The following NSF variants were observed in gnomAD, a reference collection of about 807,000 sequenced individuals.
The protein encoded by NSF is N-ethylmaleimide sensitive factor, vesicle fusing ATPase.
A neutral mutation model predicts 50.3 loss-of-function variants in NSF; 14 were observed. The observed-to-expected ratio is 0.28, with a 90% CI of 0.18 to 0.44. The LOEUF is 0.44. NSF is among the 20% of genes least tolerant of loss of function. NSF has a pLI of 1.00. For synonymous variants in NSF, 109 were observed against 175.7 expected, an observed-to-expected ratio of 0.62 and a Z score of 3.00; for missense variants, 218 against 504.3, an observed-to-expected ratio of 0.43 and a Z score of 5.44.
Position 46,739,167 on chromosome 17 carries a change from C to T in NSF, c.1908+10233C>T, listed in dbSNP as rs1016928771. Among the ~76,000 whole-genome samples, 152 of 152,130 alleles carry T rather than the reference C, an allele frequency of 1.0e-3. 1 individual carries two copies. Among genetic ancestry groups the T allele is most frequent in the East Asian group, 9.7e-4 (5 of 5,168 alleles). ...GGTGGATCATTCAAGGTCAGGAGTTCGAGACCAGCCTGGCCAGTATGGTGA... is the reference window on the plus strand; with the variant it reads ...GGTGGATCATTCAAGGTCAGGAGTTTGAGACCAGCCTGGCCAGTATGGTGA... On this transcript the variant is annotated intron_variant, in intron 17 of 20. Coordinates refer to ENST00000398238, the MANE Select transcript of NSF (RefSeq NM_006178.4).
intron 9 of NSF, among the ~76,000 whole-genome samples, chr17:46,676,580 T>C (rs1287071049): frequency 2.8e-5 from 4 of 143,558 alleles, no homozygotes; most frequent in Non-Finnish European, 5.9e-5. Flanking sequence ...TGGTTTAGAA[T>C]TTGAATGAAT....
chr17:46,708,469 T>G (rs1024911528), intron 13 of NSF, among the ~76,000 whole-genome samples: 1 of 151,870 alleles, frequency 6.6e-6, no homozygotes, highest in Non-Finnish European at 1.5e-5. Flanking sequence ...TTCATATGCT[T>G]ATCAACCATT....
At chr17:46,733,200 G>T (rs1055320061) in intron 17 of NSF, among the ~76,000 whole-genome samples, 19 of 152,138 alleles carry the variant, frequency 1.2e-4, no homozygotes, top group African/African-American at 4.6e-4. Context: ...GGAAGTTGAG[G>T]GGAATGTGCT....
At chr17:46,721,002 TC>T (rs1268985635) in intron 15 of NSF, among the ~76,000 whole-genome samples, 1 of 152,174 alleles carries the variant, frequency 6.6e-6, no homozygotes, top group Non-Finnish European at 1.5e-5. Flanking sequence ...CACAGGTGGC[TC>T]CCCAGTTGTC....
At position 46,723,423 on chromosome 17, in the gene NSF, A is replaced by G. The variant is rs1319551842; in HGVS notation, c.1762-3126A>G. 3.9e-5 allele frequency among the ~76,000 whole-genome samples: 6 copies of G among 152,242 alleles called. No individual in the cohort carries two copies. The East Asian group carries it at 7.7e-4, about 20-fold the overall frequency. On this transcript the variant is annotated intron_variant, in intron 15 of 20. Coordinates refer to ENST00000398238, the MANE Select transcript of NSF (RefSeq NM_006178.4). ...TCCATCTTCAAAAAAAGTAGCAAAG[A>G]ACCGCTGTAGAACTGCTTCTGAGCT...
intron 16 of NSF, 49 bp from the exon 17 acceptor site, chr17:46,728,806 T>A: frequency 2.5e-6 from 3 of 1,201,874 alleles, no homozygotes; most frequent in Non-Finnish European, 3.5e-6. Flanking sequence ...ATGTTTGGAA[T>A]ATGTACATGT....
intron 13 of NSF, among the ~76,000 whole-genome samples, chr17:46,708,031 CAAAA>C (rs35548565): frequency 5.8e-5 from 5 of 85,548 alleles, no homozygotes; most frequent in Middle Eastern, 5.9e-3. Flanking sequence ...GACCCTGTCT[CAAAA>C]AAAAAAAAAA....
intron 19 of NSF, 50 bp downstream of exon 19, chr17:46,751,666 C>A: frequency 1.7e-6 from 2 of 1,193,984 alleles, no homozygotes; most frequent in Non-Finnish European, 2.5e-6. Flanking sequence ...AGCTTCAGGA[C>A]ACACCAAGAG....
At chr17:46,716,356 A>C (rs951343054) in intron 15 of NSF, among the ~76,000 whole-genome samples, 2 of 150,876 alleles carry the variant, frequency 1.3e-5, no homozygotes. Flanking sequence ...TCCCGGGTTC[A>C]TGCCATTCTC....
chr17:46,601,690 A>G (rs2057911786), intron 1 of NSF, among the ~76,000 whole-genome samples: 1 of 148,004 alleles, frequency 6.8e-6, no homozygotes, highest in Non-Finnish European at 1.5e-5. Context: ...GTGTGGGTCT[A>G]AGTGTCGACT....
At chr17:46,716,975 A>T (rs1015503823) in intron 15 of NSF, among the ~76,000 whole-genome samples, 1 of 152,202 alleles carries the variant, frequency 6.6e-6, no homozygotes, top group Admixed American at 6.5e-5. Flanking sequence ...TTTTTGTTGG[A>T]CAATTAGGTT....
intron 17 of NSF, among the ~76,000 whole-genome samples, chr17:46,744,336 A>G (rs1017182225): frequency 4.6e-5 from 7 of 152,350 alleles, no homozygotes; most frequent in Middle Eastern, 6.8e-3. Flanking sequence ...TTTCACTCTC[A>G]TTTACAAAAA....
intron 9 of NSF, among the ~76,000 whole-genome samples, chr17:46,679,112 A>G (rs1403145799): frequency 2.0e-5 from 3 of 152,118 alleles, no homozygotes; most frequent in African/African-American, 7.3e-5. Context: ...TGGTAAAACT[A>G]TAAAGGAAAA....
At chr17:46,738,710 C>G (rs1187332165) in intron 17 of NSF, among the ~76,000 whole-genome samples, 1 of 152,206 alleles carries the variant, frequency 6.6e-6, no homozygotes, top group Non-Finnish European at 1.5e-5. Context: ...TGTCAGCTGG[C>G]CTGCCTCTGA....
rs61565754 is a variant in NSF, at chr17:46,673,910, GGTGTGT to G, written c.746-465_746-460del. Among the ~76,000 whole-genome samples the G allele has an allele frequency of 4.1e-3, 29 of 6,990 alleles. 9 individuals are homozygous for G. Among genetic ancestry groups the G allele is most frequent in the African/African-American group, 6.5e-3 (25 of 3,850 alleles). The allele number at this position is 6,990 out of a possible 152,430, so 4.6% of individuals were successfully genotyped here. On this transcript the variant is annotated intron_variant, in intron 8 of 20. Transcript: ENST00000398238. The stretch of plus-strand genomic sequence containing the variant: ...TTATGGCTGAATAGTATTCCATGGG[GGTGTGT>G]GTGTGTGTGTGTGTGTGTGTGTGTG...
chr17:46,748,322 G>A (rs2059151667), intron 17 of NSF, among the ~76,000 whole-genome samples: 1 of 152,086 alleles, frequency 6.6e-6, no homozygotes, highest in African/African-American at 2.4e-5. Flanking sequence ...TGTTGGTCAG[G>A]CTGGTCTCAA....
At chr17:46,711,141 G>A (rs1342388404) in intron 14 of NSF, 22 bp downstream of exon 14, 7 of 1,472,412 alleles carry the variant, frequency 4.8e-6, no homozygotes, top group South Asian at 1.4e-5. Flanking sequence ...TGAGGAGATG[G>A]CATTAAAAGT....
At chr17:46,750,086 C>T (rs546789935) in intron 18 of NSF, among the ~76,000 whole-genome samples, 179 bp downstream of exon 18, 1 of 152,318 alleles carries the variant, frequency 6.6e-6, no homozygotes, top group African/African-American at 2.4e-5. Context: ...GGCACGGTGG[C>T]TTATGCCTGT....
intron 8 of NSF, among the ~76,000 whole-genome samples, chr17:46,657,235 T>C (rs2058265657): frequency 1.0e-5 from 1 of 100,490 alleles, no homozygotes; most frequent in South Asian, 4.5e-4. Flanking sequence ...CAAAAAGGAT[T>C]CACAAGTGTA....
Sources: gnomAD v4.1 joint callset for allele counts (sites outside exome capture counted in the v4.1 genomes callset) on GRCh38, gnomAD v4.1.1 for gene constraint, MANE v1.5 for transcripts, NCBI Gene and HGNC (gene_info 2026-07-23, HGNC 2026-07-21) for gene names.